PCDHA4: variants seen among roughly 807,000 people sequenced by gnomAD.
PCDHA4 encodes the protein protocadherin alpha 4.
In PCDHA4, 49 loss-of-function variants were observed where a neutral mutation model predicts 61.4. The ratio of observed to expected loss-of-function variants is 0.80; its 90% CI spans 0.63 to 1.01. The LOEUF (loss-of-function observed/expected upper bound fraction) is 1.01. Ranked by LOEUF, PCDHA4 falls within the 50% of genes least tolerant of loss-of-function variation. The probability of loss-of-function intolerance (pLI) is 0.00; values close to 1 mark genes in which losing one functional copy is unlikely to be tolerated. For missense variants in PCDHA4, 1,254 were observed against 1,235.8 expected (o/e 1.01, Z -0.22); for synonymous variants, 590 against 550.3 (o/e 1.07, Z -1.01).
chr5:140,934,925 A>G (rs2090105619), intron 1 of PCDHA4, among the ~76,000 whole-genome samples: 1 of 152,196 alleles, frequency 6.6e-6, no homozygotes, highest in African/African-American at 2.4e-5. Context: ...ATTCACATAA[A>G]GTTACAAAAC....
intron 1 of PCDHA4, among the ~76,000 whole-genome samples, chr5:140,820,072 C>G (rs1044773695): frequency 1.3e-5 from 2 of 151,950 alleles, no homozygotes; most frequent in Non-Finnish European, 2.9e-5. Context: ...CTAACATCAG[C>G]TAATGCTGTT....
intron 1 of PCDHA4, among the ~76,000 whole-genome samples, chr5:140,910,919 T>G (rs2075230231): frequency 6.6e-6 from 1 of 152,154 alleles, no homozygotes; most frequent in Admixed American, 6.5e-5. Flanking sequence ...TTTTTGCTTA[T>G]ATAAATAAGA....
At chr5:140,859,918 G>A (rs2046091009) in intron 1 of PCDHA4, 1 of 151,762 alleles carries the variant, frequency 6.6e-6, no homozygotes, top group Admixed American at 6.6e-5. Flanking sequence ...TATATTATAA[G>A]TAATATAAAA....
At position 140,852,693 on chromosome 5, in the gene PCDHA4, C is replaced by T. The variant is rs138488585; in HGVS notation, c.2385+43121C>T. 6.9e-4 allele frequency: 673 copies of T among 973,480 alleles called. 53 individuals carry two copies. Among genetic ancestry groups the T allele is most frequent in the African/African-American group, 2.3e-3 (127 of 56,176 alleles). The allele number at this position is 973,480 out of a possible 1,614,324, so 60.3% of individuals were successfully genotyped here. A position where few individuals can be genotyped will look rare whatever the true frequency, so the allele number is the denominator to read the frequency against. Reference sequence around the variant, plus strand: ...AACTCACCTTGAATATAGTCTTATACTTTCAAGTATCTTTGTCTTTGCACG... The same window carrying T: ...AACTCACCTTGAATATAGTCTTATATTTTCAAGTATCTTTGTCTTTGCACG... On this transcript the variant is annotated intron_variant, in intron 1 of 3. Transcript: ENST00000530339.
At chr5:140,871,415 T>C in intron 1 of PCDHA4, 1 of 1,613,926 alleles carries the variant, frequency 6.2e-7, no homozygotes, top group Non-Finnish European at 8.5e-7. Context: ...CTCATGGCCT[T>C]CAGCCCCAGT....
chr5:140,835,478 A>C (rs2150236474), intron 1 of PCDHA4: 1 of 1,613,896 alleles, frequency 6.2e-7, no homozygotes, highest in South Asian at 1.1e-5. Context: ...ACGCCCAACC[A>C]GGTACCGTCA....
At chr5:140,820,015 A>G (rs1338632011) in intron 1 of PCDHA4, among the ~76,000 whole-genome samples, 1 of 151,992 alleles carries the variant, frequency 6.6e-6, no homozygotes, top group Non-Finnish European at 1.5e-5. Context: ...AATTTATTCC[A>G]TAGCTTTGTA....
chr5:140,918,051 A>G (rs782531005), intron 1 of PCDHA4, among the ~76,000 whole-genome samples: 2 of 151,984 alleles, frequency 1.3e-5, no homozygotes, highest in Non-Finnish European at 1.5e-5. Flanking sequence ...CATTTGTTTT[A>G]TCATCTCTGA....
At chr5:140,923,264 C>T (rs2081280629) in intron 1 of PCDHA4, among the ~76,000 whole-genome samples, 1 of 152,170 alleles carries the variant, frequency 6.6e-6, no homozygotes, top group Admixed American at 6.5e-5. Flanking sequence ...CATAGTGAGA[C>T]CTTGTCTCTA....
At chr5:140,950,065 G>A (rs1403260430) in intron 1 of PCDHA4, among the ~76,000 whole-genome samples, 1 of 151,574 alleles carries the variant, frequency 6.6e-6, no homozygotes, top group Non-Finnish European at 1.5e-5. Context: ...AGCTCTTCCT[G>A]TGCCATTGCT....
At chr5:141,007,318 A>C (rs2098314985) in intron 3 of PCDHA4, among the ~76,000 whole-genome samples, 1 of 151,736 alleles carries the variant, frequency 6.6e-6, no homozygotes, top group South Asian at 2.1e-4. Flanking sequence ...TGGGAGGCTA[A>C]AGTGGACAGA....
chr5:140,869,633 A>G (rs376162708), intron 1 of PCDHA4: 3 of 1,613,612 alleles, frequency 1.9e-6, no homozygotes, highest in Non-Finnish European at 2.5e-6. Context: ...AAAAATGAGT[A>G]TTTTTCTTTA....
At chr5:140,821,371 A>G (rs1405228557) in intron 1 of PCDHA4, among the ~76,000 whole-genome samples, 1 of 152,222 alleles carries the variant, frequency 6.6e-6, no homozygotes, top group Non-Finnish European at 1.5e-5. Flanking sequence ...TTTCTGTAAT[A>G]TTTTAATGAC....
At chr5:140,971,743 A>G (rs979953004) in intron 1 of PCDHA4, among the ~76,000 whole-genome samples, 1 of 151,474 alleles carries the variant, frequency 6.6e-6, no homozygotes, top group African/African-American at 2.4e-5. Flanking sequence ...ACACATACAT[A>G]TATCTCATAT....
intron 1 of PCDHA4, among the ~76,000 whole-genome samples, chr5:140,920,671 C>T (rs1218067284): frequency 2.0e-5 from 3 of 151,960 alleles, no homozygotes; most frequent in African/African-American, 7.3e-5. Flanking sequence ...TGGTGAAACC[C>T]CATCTCTACT....
intron 1 of PCDHA4, chr5:140,884,052 G>A (rs200938440): frequency 8.7e-6 from 14 of 1,613,472 alleles, no homozygotes; most frequent in African/African-American, 4.0e-5. Context: ...GCGAAGGTGC[G>A]CGCGGTGGAC....
At chr5:140,857,221 C>T in intron 1 of PCDHA4, 1 of 1,598,474 alleles carries the variant, frequency 6.3e-7, no homozygotes, top group South Asian at 1.1e-5. Context: ...TGACGCCTCA[C>T]GTTCCGTTCA....
At position 140,807,271 on chromosome 5, in the gene PCDHA4, C is replaced by A; in HGVS notation, c.84C>A (p.Asn28Lys). The part of the protein sequence containing the change: ...LLLLAAWEAG[N>K]GQLHYSVSEE... Reference sequence around the variant, plus strand: ...TCCTCGCAGCCTGGGAGGCAGGGAACGGTCAGCTCCACTACTCGGTCTCCG... The same window carrying A: ...TCCTCGCAGCCTGGGAGGCAGGGAAAGGTCAGCTCCACTACTCGGTCTCCG... The change falls in exon 1 of 4, where the codon AAC becomes AAA. Residue 28 changes from asparagine to lysine, a missense_variant. Transcript: ENST00000530339. The A allele has an allele frequency of 1.9e-6, 3 of 1,614,246 alleles. No homozygotes were observed. In the South Asian group the frequency reaches 3.3e-5, roughly 18 times the overall value.
At chr5:140,991,569 A>G (rs1157834136) in intron 3 of PCDHA4, among the ~76,000 whole-genome samples, 4 of 152,188 alleles carry the variant, frequency 2.6e-5, no homozygotes, top group Admixed American at 6.5e-5. Flanking sequence ...GTTTCCAATA[A>G]CAGGCTCCTT....
Sources: allele counts gnomAD v4.1 joint callset (sites outside exome capture counted in the v4.1 genomes callset), GRCh38; gene constraint gnomAD v4.1.1; transcripts MANE v1.5; gene names NCBI Gene and HGNC (gene_info 2026-07-23, HGNC 2026-07-21).